Variants in ADGRG1 observed in about 807,000 individuals in gnomAD.
ADGRG1 encodes adhesion G protein-coupled receptor G1.
A neutral mutation model predicts 73.5 loss-of-function variants in ADGRG1; 53 were observed. That is an observed-to-expected ratio of 0.72 (90% CI 0.58 to 0.91). The LOEUF is 0.91. Among genes scored for constraint, ADGRG1 ranks in the 40% least tolerant of loss-of-function variants. The probability of loss-of-function intolerance (pLI) is 0.00; values close to 1 mark genes in which losing one functional copy is unlikely to be tolerated. For missense variants in ADGRG1, 795 were observed against 871.8 expected (o/e 0.91, Z 1.11); for synonymous variants, 394 against 374.4 (o/e 1.05, Z -0.60).
Position 57,656,267 on chromosome 16 carries a change from C to T in ADGRG1, c.1059C>T (p.Pro353=). Residue 353 remains proline (P), a synonymous_variant, in exon 8 of 14, where the codon CCC becomes CCT. Transcript: ENST00000562631. ...AATGTGTGTTCTGGGTTGAAGACCC[C>T]ACATGTGAGTATGCAGGGGTCTCTG... is the stretch of plus-strand genomic sequence containing the variant. ...TLQCVFWVED[P]TLSSPGHWSS... is the part of the protein sequence containing the mutation. The T allele has an allele frequency of 6.2e-7, 1 of 1,612,062 alleles. No individual in the cohort carries two copies.
At position 57,630,049 on chromosome 16, in the gene ADGRG1, G is replaced by A. The variant is rs546699801; in HGVS notation, c.-36+1247G>A. ...GTTGCTCCTTCAGTGGACCAAGAAAGTTATTTATAGAAGCATTTATTGAGC... is the reference window on the plus strand; with the variant it reads ...GTTGCTCCTTCAGTGGACCAAGAAAATTATTTATAGAAGCATTTATTGAGC... On this transcript the variant is annotated intron_variant, in intron 1 of 13. Transcript: ENST00000562631. 2.3e-4 allele frequency: 228 copies of A among 976,492 alleles called. No individual in the cohort carries two copies. In the African/African-American group the frequency reaches 3.8e-3, roughly 16 times the overall value. 60.5% of individuals were successfully genotyped at this position (976,492 alleles called of 1,614,324 possible). A position where few individuals can be genotyped will look rare whatever the true frequency, so the allele number is the denominator to read the frequency against.
In ADGRG1 at chr16:57,628,733, C is replaced by A; in HGVS notation, c.-105C>A. ...CGGGGACCAGGGCTGGCAGGTTAAG[C>A]CTCTGGGGGTGGATCCTGAAAGGTG... is the stretch of plus-strand genomic sequence containing the variant. On this transcript the variant is annotated 5_prime_UTR_variant, in exon 1 of 14. Coordinates refer to ENST00000562631, the MANE Select transcript of ADGRG1 (RefSeq NM_201525.4). The A allele has an allele frequency of 2.0e-6, 2 of 985,528 alleles. No individual in the cohort carries two copies. The highest frequency in any genetic ancestry group is 2.4e-6 in the Non-Finnish European group (2 of 829,980). The allele number at this position is 985,528 out of a possible 1,614,324, so 61.0% of individuals were successfully genotyped here. A position where few individuals can be genotyped will look rare whatever the true frequency, so the allele number is the denominator to read the frequency against.
rs201202303 is a variant in ADGRG1, at chr16:57,660,780, T to G, written c.1568T>G (p.Phe523Cys). 6.2e-7 allele frequency: 1 copy of G among 1,610,742 alleles called. No homozygotes were observed. Among genetic ancestry groups the G allele is most frequent in the East Asian group, 2.2e-5 (1 of 44,848 alleles). Reference sequence around the variant, plus strand: ...TTGCCACCCTCAGGCTTCCCCATCTTTCTGGTGACGCTGGTGGCCCTGGTG... The same window carrying G: ...TTGCCACCCTCAGGCTTCCCCATCTGTCTGGTGACGCTGGTGGCCCTGGTG... ...LSAMGWGFPI[F>C]LVTLVALVDV... The change falls in exon 12 of 14, where the codon TTT (phenylalanine) becomes TGT (cysteine). Residue 523 changes from phenylalanine (F) to cysteine (C), a missense_variant. Physicochemically the swap from Phe to Cys is radical, Grantham distance 205. Coordinates refer to ENST00000562631, the MANE Select transcript of ADGRG1 (RefSeq NM_201525.4).
At position 57,656,270 on chromosome 16, in the gene ADGRG1, A is replaced by T; in HGVS notation, c.1062A>T (p.Thr354=). ...GTGTGTTCTGGGTTGAAGACCCCACATGTGAGTATGCAGGGGTCTCTGGGC... is the reference window on the plus strand; with the variant it reads ...GTGTGTTCTGGGTTGAAGACCCCACTTGTGAGTATGCAGGGGTCTCTGGGC... ...LQCVFWVEDP[T]LSSPGHWSSA... The change falls in exon 8 of 14, where the codon ACA becomes ACT. Residue 354 remains threonine (T), a splice_region_variant and synonymous_variant. Coordinates refer to ENST00000562631, the MANE Select transcript of ADGRG1 (RefSeq NM_201525.4). The T allele has an allele frequency of 6.2e-7, 1 of 1,607,320 alleles. No homozygotes were observed. The highest frequency in any genetic ancestry group is 8.5e-7 in the Non-Finnish European group (1 of 1,176,612).
rs575193310 is a variant in ADGRG1, at chr16:57,639,282, G to A, written c.-36+10480G>A. 1,193 of 985,518 alleles carry A rather than the reference G, an allele frequency of 1.2e-3. 2 individuals carry two copies. The highest frequency in any genetic ancestry group is 9.7e-3 in the African/African-American group (558 of 57,362). The allele number at this position is 985,518 out of a possible 1,614,324, so 61.0% of individuals were successfully genotyped here. On this transcript the variant is annotated intron_variant, in intron 1 of 13. Coordinates refer to ENST00000562631, the MANE Select transcript of ADGRG1 (RefSeq NM_201525.4). ...CAGCTCCCTGTCTGGCCTGGGCAGC[G>A]TCTGAGTTGAGGACTTGGGAACAGG...
At chr16:57,624,772 A>G, upstream of ADGRG1, 5 of 942,540 alleles carry the variant, frequency 5.3e-6, no homozygotes, top group Non-Finnish European at 6.3e-6. Flanking sequence ...GTTCTTGAAG[A>G]TCTCCTCCTA....
chr16:57,658,423 G>T (rs762438888), intron 10 of ADGRG1, among the ~76,000 whole-genome samples: 9 of 152,334 alleles, frequency 5.9e-5, no homozygotes, highest in Admixed American at 5.9e-4. Context: ...TGCCCTCAGC[G>T]CTGAACCCAT....
rs75286508 is a variant in ADGRG1, at chr16:57,657,604, G to C, written c.1286+113G>C. 20,127 of 863,436 alleles carry C rather than the reference G, an allele frequency of 0.023. 1,122 individuals are homozygous for C. Among genetic ancestry groups the C allele is most frequent in the African/African-American group, 0.17 (10,283 of 61,182 alleles). 53.5% of individuals were successfully genotyped at this position (863,436 alleles called of 1,614,324 possible). ...CCGCCCGCATGACCTGGAACTGTGT[G>C]TGTGGTTAGGGGAGCTGTTTGGGGT... On this transcript the variant is annotated intron_variant, in intron 10 of 13. Coordinates refer to ENST00000562631, the MANE Select transcript of ADGRG1 (RefSeq NM_201525.4).
chr16:57,635,231 A>T, intron 1 of ADGRG1: 5 of 985,398 alleles, frequency 5.1e-6, no homozygotes, highest in Admixed American at 6.1e-5. Context: ...GGCAGTGGGC[A>T]AAGCTGGAAG....
At chr16:57,646,849 TATC>T (rs1567732622) in intron 1 of ADGRG1, 1 of 858,978 alleles carries the variant, frequency 1.2e-6, no homozygotes, top group African/African-American at 1.8e-5. Context: ...CCACTAACAT[TATC>T]ATTGCGGGGG....
At position 57,650,323 on chromosome 16, in the gene ADGRG1, C is replaced by T. The variant is rs2043723048; in HGVS notation, c.36C>T (p.Phe12=). 1 of 1,612,846 alleles carries T rather than the reference C, an allele frequency of 6.2e-7. No homozygotes were observed. Among genetic ancestry groups the T allele is most frequent in the Admixed American group, 1.7e-5 (1 of 60,014 alleles). ...TPQSLLQTTL[F]LLSLLFLVQG... ...AGTCGCTGCTGCAGACGACACTGTTCCTGCTGAGTCTGCTCTTCCTGGTCC... is the reference window on the plus strand; with the variant it reads ...AGTCGCTGCTGCAGACGACACTGTTTCTGCTGAGTCTGCTCTTCCTGGTCC... The change falls in exon 2 of 14, where the codon TTC becomes TTT. Residue 12 remains phenylalanine, a synonymous_variant. Coordinates refer to ENST00000562631, the MANE Select transcript of ADGRG1 (RefSeq NM_201525.4).
chr16:57,631,058 C>T (rs56154222), intron 1 of ADGRG1: 2 of 985,306 alleles, frequency 2.0e-6, no homozygotes, highest in African/African-American at 1.8e-5. Context: ...ACGGGGAGGG[C>T]CAGGATGGGT....
Position 57,660,776 on chromosome 16 carries a change from A to G in ADGRG1, c.1564A>G (p.Ile522Val), listed in dbSNP as rs2046901403. Residue 522 changes from isoleucine to valine, a missense_variant, in exon 12 of 14, where the codon ATC becomes GTC. Ile to Val is a conservative substitution (Grantham distance 29, BLOSUM62 3). Coordinates refer to ENST00000562631, the MANE Select transcript of ADGRG1 (RefSeq NM_201525.4). ...TGCATTGCCACCCTCAGGCTTCCCC[A>G]TCTTTCTGGTGACGCTGGTGGCCCT... ...KLSAMGWGFP[I>V]FLVTLVALVD... 6.2e-7 allele frequency: 1 copy of G among 1,609,690 alleles called. No individual in the cohort carries two copies. The highest frequency in any genetic ancestry group is 8.5e-7 in the Non-Finnish European group (1 of 1,176,460).
At chr16:57,655,250 G>A (rs1597545023) in intron 5 of ADGRG1, 149 bp from the exon 6 acceptor site, 1 of 1,554,952 alleles carries the variant, frequency 6.4e-7, no homozygotes, top group South Asian at 1.2e-5. Flanking sequence ...GATGAGGAGG[G>A]CTGTCATGAG....
At chr16:57,649,158 T>A (rs1248547205) in intron 1 of ADGRG1, among the ~76,000 whole-genome samples, 1 of 152,238 alleles carries the variant, frequency 6.6e-6, no homozygotes, top group Admixed American at 6.5e-5. Flanking sequence ...GTCCCTTTGC[T>A]GTTCCAGATG....
rs557621612 is a variant in ADGRG1 at position 57,645,520 on chromosome 16, C to T, written c.-35-4733C>T. 1.7e-3 allele frequency among the ~76,000 whole-genome samples: 257 copies of T among 152,302 alleles called. 1 individual carries two copies. The highest frequency in any genetic ancestry group is 6.0e-3 in the African/African-American group (249 of 41,574). ...AAGAGAGTGCTGGAACGCAGGCTGCCCTGGCCCCGAGTCCAGGCCCTACCA... is the reference window on the plus strand; with the variant it reads ...AAGAGAGTGCTGGAACGCAGGCTGCTCTGGCCCCGAGTCCAGGCCCTACCA... On this transcript the variant is annotated intron_variant, in intron 1 of 13. Coordinates refer to ENST00000562631, the MANE Select transcript of ADGRG1 (RefSeq NM_201525.4).
At chr16:57,626,896 C>G (rs1223055295), upstream of ADGRG1, 1 of 984,812 alleles carries the variant, frequency 1.0e-6, no homozygotes, top group Non-Finnish European at 1.2e-6. Context: ...CTTGTCCTCC[C>G]TTGTTAGTGG....
At chr16:57,623,718 C>A, upstream of ADGRG1, 1 of 843,108 alleles carries the variant, frequency 1.2e-6, no homozygotes, top group South Asian at 5.4e-5. Flanking sequence ...GCGGCTGAGT[C>A]ACATGTGCAA....
intron 1 of ADGRG1, chr16:57,641,967 A>T (rs1046680970): frequency 1.2e-5 from 4 of 325,976 alleles, no homozygotes; most frequent in Non-Finnish European, 1.3e-5. Flanking sequence ...AGCTCACTGC[A>T]GCCTCAAACT....
Sources: allele counts gnomAD v4.1 joint callset (sites outside exome capture counted in the v4.1 genomes callset), GRCh38; gene constraint gnomAD v4.1.1; transcripts MANE v1.5; gene names NCBI Gene and HGNC (gene_info 2026-07-23, HGNC 2026-07-21).